Variants in AGMO observed in about 807,000 individuals in gnomAD.
AGMO encodes the protein alkylglycerol monooxygenase, also known as glyceryl-ether monooxygenase.
AGMO carries 75 observed loss-of-function variants against 60.2 expected under a neutral mutation model. That is an observed-to-expected ratio of 1.25 (90% CI 1.03 to 1.51). The LOEUF (loss-of-function observed/expected upper bound fraction) is 1.51, where lower values mean the gene tolerates loss of function less well. AGMO is among the 40% of genes most tolerant of loss of function. The probability of loss-of-function intolerance (pLI) is 0.00; values close to 1 mark genes in which losing one functional copy is unlikely to be tolerated. For synonymous variants in AGMO, 261 were observed against 177.1 expected (o/e 1.47, Z -3.76); for missense variants, 763 against 525.5 (o/e 1.45, Z -4.42).
At chr7:15,310,546 T>A (rs1214211553) in intron 12 of AGMO, among the ~76,000 whole-genome samples, 1 of 152,138 alleles carries the variant, frequency 6.6e-6, no homozygotes, top group African/African-American at 2.4e-5. Flanking sequence ...CATGTTATTA[T>A]AATATTTTAA....
intron 10 of AGMO, among the ~76,000 whole-genome samples, chr7:15,382,941 A>T (rs1583485043): frequency 6.6e-6 from 1 of 151,588 alleles, no homozygotes; most frequent in Non-Finnish European, 1.5e-5. Flanking sequence ...TAGATGTAAC[A>T]TTTGTTATTT....
At chr7:15,403,286 C>A (rs578094508) in intron 5 of AGMO, among the ~76,000 whole-genome samples, 1 of 151,948 alleles carries the variant, frequency 6.6e-6, no homozygotes, top group Non-Finnish European at 1.5e-5. Context: ...CAAATACTCT[C>A]ATTGGTTATT....
rs578082393 is a variant in AGMO, at chr7:15,377,179, A to G, written c.1074+8267T>C. On this transcript the variant is annotated intron_variant, in intron 10 of 12. Coordinates refer to ENST00000342526, the MANE Select transcript of AGMO (RefSeq NM_001004320.2). Reference sequence around the variant, plus strand: ...ATCCCTGAGATTAGAAAGGCACTATAGAATTTTGCAAATAAACAACCTTTC... The same window carrying G: ...ATCCCTGAGATTAGAAAGGCACTATGGAATTTTGCAAATAAACAACCTTTC... 1.3e-4 allele frequency among the ~76,000 whole-genome samples: 20 copies of G among 152,208 alleles called. No homozygotes were observed. The South Asian group carries it at 4.1e-3, about 32-fold the overall frequency.
intron 12 of AGMO, among the ~76,000 whole-genome samples, chr7:15,360,298 C>T (rs1037881881): frequency 6.6e-6 from 1 of 152,136 alleles, no homozygotes; most frequent in African/African-American, 2.4e-5. Context: ...ACACTCGACC[C>T]TTGAACAACT....
intron 12 of AGMO, among the ~76,000 whole-genome samples, chr7:15,274,802 A>T (rs1051188109): frequency 1.3e-5 from 2 of 151,180 alleles, no homozygotes; most frequent in African/African-American, 4.9e-5. Context: ...GGTTCCAGGA[A>T]TTTTTTCCAT....
intron 3 of AGMO, among the ~76,000 whole-genome samples, chr7:15,505,208 G>C (rs945446666): frequency 2.6e-5 from 4 of 151,916 alleles, no homozygotes; most frequent in Admixed American, 2.0e-4. Flanking sequence ...TACTCACAAA[G>C]AGAGCTATGA....
rs371372278 is a variant in AGMO, at chr7:15,270,657, G to A, written c.1264-69298C>T. Among the ~76,000 whole-genome samples the A allele has an allele frequency of 3.3e-4, 17 of 51,666 alleles. No individual in the cohort carries two copies. The East Asian group carries it at 8.8e-3, about 27-fold the overall frequency. 33.9% of individuals were successfully genotyped at this position (51,666 alleles called of 152,430 possible). On this transcript the variant is annotated intron_variant, in intron 12 of 12. Coordinates refer to ENST00000342526, the MANE Select transcript of AGMO (RefSeq NM_001004320.2). The stretch of plus-strand genomic sequence containing the variant: ...TTTTTTGCTGTGCAGAAGCTTTTGG[G>A]TTTAATTAAGTCCCATTTATCTATT...
At chr7:15,278,990 CT>C (rs1783883243) in intron 12 of AGMO, among the ~76,000 whole-genome samples, 1 of 152,112 alleles carries the variant, frequency 6.6e-6, no homozygotes, top group African/African-American at 2.4e-5. Flanking sequence ...TGGTAGTTGT[CT>C]TTGAGTCACA....
rs778408810 is a variant in AGMO, at chr7:15,394,095, G to A, written c.676+18C>T. On this transcript the variant is annotated intron_variant, in intron 6 of 12. Transcript: ENST00000342526. The stretch of plus-strand genomic sequence containing the variant: ...TTAGAGAAATGAAGAAAAGAGAGAA[G>A]AAACAAAACTTCCTTACCATGATGA... The A allele has an allele frequency of 2.0e-5, 31 of 1,584,380 alleles. No individual in the cohort carries two copies. Among genetic ancestry groups the A allele is most frequent in the South Asian group, 6.7e-5 (6 of 89,100 alleles).
At chr7:15,316,744 G>C (rs903194370) in intron 12 of AGMO, among the ~76,000 whole-genome samples, 4 of 152,018 alleles carry the variant, frequency 2.6e-5, no homozygotes, top group Non-Finnish European at 5.9e-5. Context: ...ACTGTTTAGC[G>C]AAAAATCCAA....
intron 12 of AGMO, among the ~76,000 whole-genome samples, chr7:15,345,301 C>A (rs1204101682): frequency 6.6e-6 from 1 of 152,126 alleles, no homozygotes; most frequent in Non-Finnish European, 1.5e-5. Context: ...CCATAAGGAA[C>A]GATTTTCAGT....
intron 5 of AGMO, among the ~76,000 whole-genome samples, chr7:15,395,334 G>A (rs748127481): frequency 6.6e-6 from 1 of 152,012 alleles, no homozygotes; most frequent in African/African-American, 2.4e-5. Flanking sequence ...ATAGAGATAA[G>A]ACTGCTTAAA....
chr7:15,185,777 T>G, the AGMO span, among the ~76,000 whole-genome samples: 1 of 152,338 alleles, frequency 6.6e-6, no homozygotes, highest in Admixed American at 6.5e-5. Context: ...TGTGCCTTGT[T>G]TTCTAACAGA....
chr7:15,387,932 G>A (rs1259702346), intron 8 of AGMO, among the ~76,000 whole-genome samples: 1 of 137,054 alleles, frequency 7.3e-6, no homozygotes, highest in Non-Finnish European at 1.5e-5. Flanking sequence ...CCCCAAGACA[G>A]AGTCTCGCTC....
At chr7:15,375,928 A>G (rs1003445469) in intron 10 of AGMO, among the ~76,000 whole-genome samples, 3 of 152,150 alleles carry the variant, frequency 2.0e-5, no homozygotes, top group Non-Finnish European at 4.4e-5. Flanking sequence ...ATATGAAGAT[A>G]TATTTAATTT....
At chr7:15,212,247 TACACACACACACACACAC>T (rs57236152) in intron 12 of AGMO, among the ~76,000 whole-genome samples, 2,527 of 146,366 alleles carry the variant, frequency 0.017, 61 homozygotes, top group African/African-American at 0.059. Flanking sequence ...AGGTGTGGAG[TACACACACACACACACAC>T]ACACACACAC....
intron 3 of AGMO, among the ~76,000 whole-genome samples, chr7:15,447,850 C>T (rs556966920): frequency 6.6e-6 from 1 of 152,046 alleles, no homozygotes. Flanking sequence ...CCGGGCCCAG[C>T]CTGCAATGTT....
intron 5 of AGMO, among the ~76,000 whole-genome samples, chr7:15,410,412 T>A (rs1394051262): frequency 5.3e-5 from 8 of 151,848 alleles, no homozygotes; most frequent in Admixed American, 2.6e-4. Flanking sequence ...CCCTAAACAA[T>A]GTACTTTATG....
At chr7:15,405,767 C>A (rs1784669509) in intron 5 of AGMO, among the ~76,000 whole-genome samples, 1 of 151,804 alleles carries the variant, frequency 6.6e-6, no homozygotes, top group African/African-American at 2.4e-5. Flanking sequence ...GTAAGTTTAG[C>A]AAATAGTCAT....
Sources: gnomAD v4.1 joint callset for allele counts (sites outside exome capture counted in the v4.1 genomes callset) on GRCh38, gnomAD v4.1.1 for gene constraint, MANE v1.5 for transcripts, NCBI Gene and HGNC (gene_info 2026-07-23, HGNC 2026-07-21) for gene names.